Variants in SCN8A observed in about 807,000 individuals in gnomAD.
The protein encoded by SCN8A is sodium channel protein type 8 subunit alpha.
In SCN8A, 30 loss-of-function variants were observed where a neutral mutation model predicts 184.1. The ratio of observed to expected loss-of-function variants is 0.16; its 90% CI spans 0.12 to 0.22. The LOEUF is 0.22. Ranked by LOEUF, SCN8A falls within the 10% of genes least tolerant of loss-of-function variation. The pLI is 1.00. For synonymous variants in SCN8A, 852 were observed against 907.0 expected, an observed-to-expected ratio of 0.94 and a Z score of 1.09; for missense variants, 1,057 against 2,498.9, an observed-to-expected ratio of 0.42 and a Z score of 12.30.
intron 1 of SCN8A, among the ~76,000 whole-genome samples, chr12:51,633,055 G>A (rs548906807): frequency 6.8e-4 from 104 of 152,286 alleles, no homozygotes; most frequent in African/African-American, 2.3e-3. Context: ...TATATGTGAA[G>A]TACTTTGTTA....
chr12:51,658,576 TTG>T (rs969645471), intron 1 of SCN8A, among the ~76,000 whole-genome samples: 1 of 152,108 alleles, frequency 6.6e-6, no homozygotes, highest in African/African-American at 2.4e-5. Flanking sequence ...GGCTCACATA[TTG>T]TGTGAGTCCA....
At chr12:51,770,794 G>T (rs1392814284) in intron 19 of SCN8A, 111 bp downstream of exon 19, 1 of 1,139,530 alleles carries the variant, frequency 8.8e-7, no homozygotes, top group African/African-American at 1.5e-5. Context: ...GATTGGCTGT[G>T]GTCCCAAGAA....
At chr12:51,740,788 G>T (rs1331065023) in intron 12 of SCN8A, among the ~76,000 whole-genome samples, 3 of 152,074 alleles carry the variant, frequency 2.0e-5, no homozygotes, top group African/African-American at 7.2e-5. Context: ...ATTGTATTGA[G>T]GTCTCTTTCT....
At chr12:51,782,772 C>T (rs1937962817) in intron 21 of SCN8A, among the ~76,000 whole-genome samples, 1 of 152,184 alleles carries the variant, frequency 6.6e-6, no homozygotes, top group African/African-American at 2.4e-5. Flanking sequence ...ATGCAGGAGC[C>T]GTTTTGGGAG....
chr12:51,638,511 G>T (rs962843007), intron 1 of SCN8A, among the ~76,000 whole-genome samples: 2 of 148,530 alleles, frequency 1.3e-5, no homozygotes, highest in Non-Finnish European at 3.0e-5. Context: ...TTTTTGAGAC[G>T]GAGTCTCGCT....
chr12:51,807,704 T>C lies in SCN8A; in HGVS notation c.*275T>C, dbSNP rs995434668. 6.5e-6 allele frequency: 3 copies of C among 459,768 alleles called. No individual in the cohort carries two copies. The highest frequency in any genetic ancestry group is 7.6e-5 in the Admixed American group (2 of 26,484). 28.5% of individuals were successfully genotyped at this position (459,768 alleles called of 1,614,324 possible). A position where few individuals can be genotyped will look rare whatever the true frequency, so the allele number is the denominator to read the frequency against. On this transcript the variant is annotated 3_prime_UTR_variant, in exon 27 of 27. Coordinates refer to ENST00000627620, the MANE Select transcript of SCN8A (RefSeq NM_001330260.2). The surrounding 1 kb of genome is among the most constrained non-coding windows in gnomAD (Gnocchi z 4.5). ...CAGTCAATGCAACTTAGGACAAAACTAACCAGATACAGAAACAGAAGAGAG... is the reference window on the plus strand; with the variant it reads ...CAGTCAATGCAACTTAGGACAAAACCAACCAGATACAGAAACAGAAGAGAG...
At chr12:51,766,204 C>G (rs1942835095) in intron 16 of SCN8A, 177 bp downstream of exon 16, 2 of 640,624 alleles carry the variant, frequency 3.1e-6, no homozygotes, top group African/African-American at 1.8e-5. Flanking sequence ...GAGATACTTA[C>G]AGAGTGCCTA....
intron 12 of SCN8A, among the ~76,000 whole-genome samples, chr12:51,732,283 C>CATATGG (rs1942255877): frequency 6.6e-6 from 1 of 152,202 alleles, no homozygotes; most frequent in Non-Finnish European, 1.5e-5. Flanking sequence ...CATTCTTCTG[C>CATATGG]ATATGGATAT....
At chr12:51,791,684 A>G (rs1238244532) in intron 25 of SCN8A, among the ~76,000 whole-genome samples, 1 of 152,140 alleles carries the variant, frequency 6.6e-6, no homozygotes. Flanking sequence ...CTTCCAGCCT[A>G]GGCAACATAA....
At chr12:51,805,673 A>G (rs1007680868) in intron 26 of SCN8A, among the ~76,000 whole-genome samples, 1 of 149,630 alleles carries the variant, frequency 6.7e-6, no homozygotes, top group Non-Finnish European at 1.5e-5. Context: ...CAGGAGGATC[A>G]CTTGAGCCCA....
chr12:51,606,247 T>G (rs2138568050), intron 1 of SCN8A, among the ~76,000 whole-genome samples: 1 of 152,314 alleles, frequency 6.6e-6, no homozygotes, highest in East Asian at 1.9e-4. Context: ...CCTTAATCCA[T>G]CTTGAGTTGA....
intron 1 of SCN8A, among the ~76,000 whole-genome samples, chr12:51,608,263 G>A (rs574499372): frequency 6.6e-6 from 1 of 152,146 alleles, no homozygotes; most frequent in East Asian, 1.9e-4. Flanking sequence ...ACCCGCCTCG[G>A]CCTCCGAAAG....
At chr12:51,632,533 T>G (rs1940219135) in intron 1 of SCN8A, among the ~76,000 whole-genome samples, 1 of 152,110 alleles carries the variant, frequency 6.6e-6, no homozygotes, top group South Asian at 2.1e-4. Flanking sequence ...CCTGGAGAGG[T>G]AAAATCTTTT....
At chr12:51,709,423 A>G (rs1042137608) in intron 11 of SCN8A, among the ~76,000 whole-genome samples, 2 of 152,250 alleles carry the variant, frequency 1.3e-5, no homozygotes, top group Non-Finnish European at 2.9e-5. Flanking sequence ...GAAAACGGAT[A>G]AACAGTGTTA....
At chr12:51,755,992 C>A (rs1942668270) in intron 14 of SCN8A, among the ~76,000 whole-genome samples, 1 of 151,990 alleles carries the variant, frequency 6.6e-6, no homozygotes, top group South Asian at 2.1e-4. Flanking sequence ...CATGTGGACA[C>A]CTGCTCACAC....
intron 9 of SCN8A, among the ~76,000 whole-genome samples, chr12:51,704,984 A>T (rs1426581079): frequency 6.6e-6 from 1 of 152,158 alleles, no homozygotes; most frequent in Non-Finnish European, 1.5e-5. Flanking sequence ...CAAAAAAAAA[A>T]TAAATAAAAT....
At chr12:51,621,434 T>C (rs1415917157) in intron 1 of SCN8A, among the ~76,000 whole-genome samples, 1 of 152,210 alleles carries the variant, frequency 6.6e-6, no homozygotes, top group Non-Finnish European at 1.5e-5. Context: ...GCATGCTAAT[T>C]TGCATTTAGA....
intron 11 of SCN8A, among the ~76,000 whole-genome samples, chr12:51,714,334 T>G (rs1941930917): frequency 6.7e-6 from 1 of 149,098 alleles, no homozygotes; most frequent in Admixed American, 6.8e-5. Flanking sequence ...TGTGAATGAT[T>G]TCTAGCATCA....
intron 1 of SCN8A, among the ~76,000 whole-genome samples, chr12:51,630,027 C>G (rs149171373): frequency 1.0e-3 from 154 of 152,218 alleles, no homozygotes; most frequent in African/African-American, 3.6e-3. Context: ...AATTTTATCT[C>G]CTCCATTTCC....
Sources: gnomAD v4.1 joint callset for allele counts (sites outside exome capture counted in the v4.1 genomes callset) on GRCh38, gnomAD v4.1.1 for gene constraint, Gnocchi (gnomAD v3.1) non-coding constraint, MANE v1.5 for transcripts, NCBI Gene and HGNC (gene_info 2026-07-23, HGNC 2026-07-21) for gene names.